The following GPM6B variants were observed in gnomAD, a reference collection of about 807,000 sequenced individuals.
The protein encoded by GPM6B is glycoprotein M6B.
GPM6B carries 4 observed loss-of-function variants against 27.2 expected under a neutral mutation model. The observed-to-expected ratio is 0.15, with a 90% CI of 0.07 to 0.34. The LOEUF is 0.34. GPM6B is among the 10% of genes least tolerant of loss of function. GPM6B has a pLI of 1.00. For missense variants in GPM6B, 183 were observed against 261.9 expected (o/e 0.70, Z 2.08); for synonymous variants, 124 against 103.1 (o/e 1.20, Z -1.23).
chrX:13,779,153 GAAGTC>G (rs1202222070), intron 5 of GPM6B, among the ~76,000 whole-genome samples: 2 of 111,521 alleles, frequency 1.8e-5, no homozygotes, highest in Non-Finnish European at 1.9e-5. Flanking sequence ...ACTCAGCAGC[GAAGTC>G]AAGTCCCAAA....
At chrX:13,933,141 T>C (rs1921660993) in intron 1 of GPM6B, among the ~76,000 whole-genome samples, 1 of 112,240 alleles carries the variant, frequency 8.9e-6, no homozygotes, top group Admixed American at 9.4e-5. Context: ...ATAAAATGCA[T>C]ATGAATCCTC....
chrX:13,892,391 G>A (rs73455435), intron 1 of GPM6B, among the ~76,000 whole-genome samples: 1,946 of 110,854 alleles, frequency 0.018, 49 homozygotes, highest in African/African-American at 0.061. Context: ...TAATATTTGC[G>A]GGTTTTGCCA....
chrX:13,814,476 AC>A (rs1297035980), intron 1 of GPM6B, among the ~76,000 whole-genome samples: 1 of 112,841 alleles, frequency 8.9e-6, no homozygotes, highest in Non-Finnish European at 1.9e-5. Context: ...AAACGGATCC[AC>A]CAGCTCAAGA....
intron 1 of GPM6B, among the ~76,000 whole-genome samples, chrX:13,928,413 T>G (rs973173883): frequency 8.9e-6 from 1 of 112,663 alleles, no homozygotes; most frequent in Non-Finnish European, 1.9e-5. Context: ...CATCATATAA[T>G]AGAGCTCAAA....
At chrX:13,847,152 G>GA (rs1468822850) in intron 1 of GPM6B, among the ~76,000 whole-genome samples, 1 of 111,466 alleles carries the variant, frequency 9.0e-6, no homozygotes. Context: ...AGAGATGAAG[G>GA]AAAAAACACC....
chrX:13,783,544 T>C, intron 3 of GPM6B, 23 bp from the exon 4 acceptor site: 1 of 1,160,394 alleles, frequency 8.6e-7, no homozygotes, highest in Admixed American at 2.4e-5. Flanking sequence ...GAAGAGATCC[T>C]GAACCATTAA....
At position 13,783,410 on chromosome X, in the gene GPM6B, G is replaced by A. The variant is rs781236214; in HGVS notation, c.480C>T (p.His160=). ...CACAAGCGGTTGTTTTAAACTCACCGTGCAGTTCTTTCACTGCACTTGTGG... is the reference window on the plus strand; with the variant it reads ...CACAAGCGGTTGTTTTAAACTCACCATGCAGTTCTTTCACTGCACTTGTGG... The part of the protein sequence containing the change: ...FYTTSAVKEL[H]GEFKTTACGR... Residue 160 remains histidine, a synonymous_variant, in exon 4 of 8, where the codon CAC becomes CAT. Transcript: ENST00000316715. 1 of 1,205,040 alleles carries A rather than the reference G, an allele frequency of 8.3e-7. No individual in the cohort carries two copies. Among genetic ancestry groups the A allele is most frequent in the Admixed American group, 2.2e-5 (1 of 45,248 alleles).
intron 2 of GPM6B, among the ~76,000 whole-genome samples, chrX:13,791,615 A>AG (rs1233012843): frequency 1.8e-5 from 2 of 111,529 alleles, no homozygotes; most frequent in Admixed American, 9.5e-5. Flanking sequence ...GCCATGTAGT[A>AG]GGGAAAAAAA....
intron 1 of GPM6B, among the ~76,000 whole-genome samples, chrX:13,845,814 C>T (rs1005479111): frequency 1.8e-5 from 2 of 112,100 alleles, no homozygotes; most frequent in African/African-American, 6.5e-5. Context: ...CAATAGTACA[C>T]GCTGAACTTT....
Position 13,868,619 on chromosome X carries a change from A to G in GPM6B, c.-198+69708T>C, listed in dbSNP as rs768795465. ...ACTTTTAAAATGGGATGGTTGCATA[A>G]GAGTTTTTCTTTACCCCTTGGGTCA... On this transcript the variant is annotated intron_variant, in intron 1 of 6. Coordinates refer to the GPM6B transcript ENST00000398361. 1.1e-4 allele frequency among the ~76,000 whole-genome samples: 12 copies of G among 112,632 alleles called. No individual in the cohort carries two copies. In the South Asian group the frequency reaches 2.9e-3, roughly 27 times the overall value.
At chrX:13,776,421 A>G (rs1602966770) in intron 6 of GPM6B, 118 bp from the exon 7 acceptor site, 1 of 542,514 alleles carries the variant, frequency 1.8e-6, no homozygotes, top group Non-Finnish European at 3.0e-6. Flanking sequence ...GACTGGGCAC[A>G]GGCCTGCCTT....
At chrX:13,808,390 C>G (rs1041867312) in intron 1 of GPM6B, among the ~76,000 whole-genome samples, 1 of 112,179 alleles carries the variant, frequency 8.9e-6, no homozygotes, top group African/African-American at 3.2e-5. Flanking sequence ...GTCTTGGGCT[C>G]GAACCACTGC....
intron 1 of GPM6B, among the ~76,000 whole-genome samples, chrX:13,822,396 C>T (rs1485035432): frequency 2.7e-5 from 3 of 109,273 alleles, no homozygotes; most frequent in East Asian, 5.7e-4. Flanking sequence ...GACGGAGTCT[C>T]GCGCTGTTGC....
intron 1 of GPM6B, among the ~76,000 whole-genome samples, chrX:13,918,045 T>C (rs941974885): frequency 8.8e-6 from 1 of 113,080 alleles, no homozygotes; most frequent in Non-Finnish European, 1.9e-5. Context: ...TGTTACATAT[T>C]CATATGTGGT....
intron 1 of GPM6B, among the ~76,000 whole-genome samples, chrX:13,838,717 G>A (rs942513986): frequency 1.8e-5 from 2 of 111,745 alleles, no homozygotes; most frequent in African/African-American, 6.5e-5. Context: ...AGGAAGGGGA[G>A]GCAGCTGAAC....
chrX:13,779,809 A>T lies in GPM6B; in HGVS notation c.697+9T>A, dbSNP rs914833521. ...ATAACTGGGGGAGGGGTGAATTAGA[A>T]GGAAGTACCGTATTGTCGGATATCC... On this transcript the variant is annotated intron_variant, in intron 5 of 7. Coordinates refer to ENST00000316715, the MANE Select transcript of GPM6B (RefSeq NM_001001995.3). 6.1e-6 allele frequency: 7 copies of T among 1,149,682 alleles called. No individual in the cohort carries two copies. The highest frequency in any genetic ancestry group is 8.2e-6 in the Non-Finnish European group (7 of 853,302). The allele number at this position is 1,149,682 out of a possible 1,213,427, so 94.7% of individuals were successfully genotyped here.
chrX:13,776,426 T>G (rs769543175), intron 6 of GPM6B, 123 bp from the exon 7 acceptor site: 8 of 523,228 alleles, frequency 1.5e-5, no homozygotes, highest in Non-Finnish European at 2.5e-5. Flanking sequence ...GGCACAGGCC[T>G]GCCTTCTCTT....
intron 1 of GPM6B, among the ~76,000 whole-genome samples, chrX:13,849,363 A>G (rs990904315): frequency 4.5e-5 from 5 of 112,354 alleles, no homozygotes; most frequent in African/African-American, 1.6e-4. Flanking sequence ...CGGCACCAAC[A>G]CCCTGTCCCA....
At chrX:13,811,497 C>A (rs1372142065) in intron 1 of GPM6B, among the ~76,000 whole-genome samples, 1 of 111,442 alleles carries the variant, frequency 9.0e-6, no homozygotes, top group Non-Finnish European at 1.9e-5. Flanking sequence ...TTAAGGAATG[C>A]CATAACAATG....
Sources: allele counts gnomAD v4.1 joint callset (sites outside exome capture counted in the v4.1 genomes callset), GRCh38; gene constraint gnomAD v4.1.1; transcripts MANE v1.5; gene names NCBI Gene and HGNC (gene_info 2026-07-23, HGNC 2026-07-21).